The following PACC1 variants were observed in gnomAD, a reference collection of about 807,000 sequenced individuals.
The protein encoded by PACC1 is proton activated chloride channel 1, also known as proton-activated chloride channel.
Under a neutral mutation model 39.7 loss-of-function variants are expected in PACC1, and 34 were observed. The ratio of observed to expected loss-of-function variants is 0.86; its 90% CI spans 0.65 to 1.14. PACC1 has a LOEUF of 1.14. Among genes scored for constraint, PACC1 ranks in the 50% most tolerant of loss-of-function variants. The probability of loss-of-function intolerance (pLI) is 0.00; values close to 1 mark genes in which losing one functional copy is unlikely to be tolerated. For missense variants in PACC1, 379 were observed against 436.4 expected (o/e 0.87, Z 1.17); for synonymous variants, 127 against 160.6 (o/e 0.79, Z 1.58).
At chr1:212,368,091 C>T (rs1418458753) in intron 7 of PACC1, among the ~76,000 whole-genome samples, 1 of 152,140 alleles carries the variant, frequency 6.6e-6, no homozygotes, top group Non-Finnish European at 1.5e-5. Flanking sequence ...CCAGGGCATT[C>T]TCTCTGATCC....
At chr1:212,381,694 T>TACACACTACAC (rs747376806) in intron 4 of PACC1, among the ~76,000 whole-genome samples, 1 of 78,578 alleles carries the variant, frequency 1.3e-5, no homozygotes, top group East Asian at 2.7e-4. Context: ...ACACACACAC[T>TACACACTACAC]GCACACACAC....
chr1:212,373,421 A>G (rs1454846995), intron 7 of PACC1, among the ~76,000 whole-genome samples: 1 of 152,218 alleles, frequency 6.6e-6, no homozygotes, highest in African/African-American at 2.4e-5. Context: ...ATAATGCTTT[A>G]GGACACTGGT....
intron 1 of PACC1, chr1:212,413,821 A>G: frequency 6.3e-6 from 9 of 1,426,676 alleles, no homozygotes; most frequent in Non-Finnish European, 8.4e-6. Flanking sequence ...ATAAGAGACT[A>G]AAGGGAGCGA....
intron 2 of PACC1, among the ~76,000 whole-genome samples, chr1:212,395,252 G>T (rs975494120): frequency 5.3e-5 from 8 of 152,108 alleles, no homozygotes; most frequent in African/African-American, 1.9e-4. Context: ...TAGACCAATG[G>T]AACAGAACAG....
chr1:212,367,141 C>T (rs1267526902), intron 7 of PACC1, among the ~76,000 whole-genome samples: 1 of 152,186 alleles, frequency 6.6e-6, no homozygotes, highest in Non-Finnish European at 1.5e-5. Context: ...CTAAAGAGAA[C>T]CCTCCAGCGA....
intron 7 of PACC1, among the ~76,000 whole-genome samples, chr1:212,374,186 A>C (rs1346479284): frequency 6.7e-6 from 1 of 148,992 alleles, no homozygotes; most frequent in Non-Finnish European, 1.5e-5. Context: ...GATAAGGAAA[A>C]TGTGGTGTGT....
intron 2 of PACC1, among the ~76,000 whole-genome samples, chr1:212,403,972 C>T (rs533517999): frequency 1.3e-4 from 20 of 152,296 alleles, no homozygotes; most frequent in African/African-American, 2.4e-4. Context: ...TCCTTCTCCC[C>T]CTCTGCTACA....
At chr1:212,402,744 T>A (rs944202044) in intron 2 of PACC1, among the ~76,000 whole-genome samples, 1 of 152,166 alleles carries the variant, frequency 6.6e-6, no homozygotes, top group Non-Finnish European at 1.5e-5. Context: ...AACCTCCGCC[T>A]CCTAGGTTCA....
rs747376806 is a variant in PACC1, at chr1:212,381,694, T to TAC, written c.496-1658_496-1657insGT. ...TGTGCACAGACACACACACACACAC[T>TAC]GCACACACACACACACACACACACA... On this transcript the variant is annotated intron_variant, in intron 4 of 7. Coordinates refer to ENST00000261455, the MANE Select transcript of PACC1 (RefSeq NM_018252.3). 4.6e-3 allele frequency among the ~76,000 whole-genome samples: 361 copies of TAC among 78,638 alleles called. 1 individual carries two copies. The highest frequency in any genetic ancestry group is 0.01 in the Middle Eastern group (1 of 100). 51.6% of individuals were successfully genotyped at this position (78,638 alleles called of 152,430 possible). A position where few individuals can be genotyped will look rare whatever the true frequency, so the allele number is the denominator to read the frequency against.
chr1:212,404,375 G>C (rs1366136702), intron 2 of PACC1, among the ~76,000 whole-genome samples: 1 of 151,530 alleles, frequency 6.6e-6, no homozygotes, highest in Admixed American at 6.6e-5. Context: ...CAAAGTGCTG[G>C]GATCACAGGC....
intron 2 of PACC1, among the ~76,000 whole-genome samples, chr1:212,398,770 TTC>T: frequency 6.6e-6 from 1 of 152,380 alleles, no homozygotes; most frequent in African/African-American, 2.4e-5. Context: ...CTCTCCATGT[TTC>T]TCTCTTGACC....
intron 6 of PACC1, among the ~76,000 whole-genome samples, chr1:212,375,702 T>C (rs565178629): frequency 4.7e-4 from 71 of 152,138 alleles, no homozygotes; most frequent in African/African-American, 1.6e-3. Flanking sequence ...CTGGTCAACA[T>C]GGTTAAGCCC....
intron 4 of PACC1, among the ~76,000 whole-genome samples, chr1:212,383,256 G>A (rs779711615): frequency 1.6e-4 from 25 of 152,108 alleles, no homozygotes; most frequent in Non-Finnish European, 2.8e-4. Context: ...CTCTTTAGTC[G>A]AATTATGTAA....
At chr1:212,403,876 A>C (rs916890564) in intron 2 of PACC1, among the ~76,000 whole-genome samples, 1 of 151,700 alleles carries the variant, frequency 6.6e-6, no homozygotes, top group African/African-American at 2.4e-5. Flanking sequence ...TTCTTTTCTA[A>C]GCCATTTGCC....
chr1:212,380,101 G>C, intron 4 of PACC1, 64 bp from the exon 5 acceptor site: 1 of 1,555,004 alleles, frequency 6.4e-7, no homozygotes, highest in South Asian at 1.2e-5. Context: ...CTGGGTCTGA[G>C]GGCAGAAGTA....
chr1:212,388,772 T>G (rs79746882), intron 2 of PACC1, among the ~76,000 whole-genome samples: 58 of 152,328 alleles, frequency 3.8e-4, no homozygotes, highest in Non-Finnish European at 7.4e-4. Context: ...GGCATTTTGT[T>G]ACAGCAGTCT....
At chr1:212,374,104 T>C (rs1191953666) in intron 7 of PACC1, among the ~76,000 whole-genome samples, 2 of 151,242 alleles carry the variant, frequency 1.3e-5, no homozygotes, top group Admixed American at 6.6e-5. Context: ...ACTCCCATGT[T>C]TACTGTAGCA....
chr1:212,401,583 G>A (rs1185115478), intron 2 of PACC1, among the ~76,000 whole-genome samples: 70 of 129,134 alleles, frequency 5.4e-4, no homozygotes, highest in African/African-American at 1.9e-3. Flanking sequence ...CCGAGACGGC[G>A]CCACTGCACT....
intron 7 of PACC1, among the ~76,000 whole-genome samples, chr1:212,368,496 T>C (rs953342644): frequency 8.6e-5 from 13 of 151,982 alleles, no homozygotes; most frequent in East Asian, 5.8e-4. Flanking sequence ...AAAGACTCAA[T>C]TCAGAAATTT....
Sources: allele counts gnomAD v4.1 joint callset (sites outside exome capture counted in the v4.1 genomes callset), GRCh38; gene constraint gnomAD v4.1.1; transcripts MANE v1.5; gene names NCBI Gene and HGNC (gene_info 2026-07-23, HGNC 2026-07-21).